The following MPP7 variants were observed in gnomAD, a reference collection of about 807,000 sequenced individuals.
The protein encoded by MPP7 is MAGUK p55 subfamily member 7.
A neutral mutation model predicts 76.5 loss-of-function variants in MPP7; 60 were observed. That is an observed-to-expected ratio of 0.78 (90% CI 0.64 to 0.97). MPP7 has a LOEUF of 0.97. Ranked by LOEUF, MPP7 falls within the 50% of genes least tolerant of loss-of-function variation. MPP7 has a pLI of 0.00. For synonymous variants in MPP7, 237 were observed against 244.5 expected (o/e 0.97, Z 0.29); for missense variants, 641 against 694.0 (o/e 0.92, Z 0.86).
chr10:28,160,113 GAAA>G (rs59503220), intron 3 of MPP7, among the ~76,000 whole-genome samples: 3 of 142,760 alleles, frequency 2.1e-5, no homozygotes, highest in East Asian at 2.0e-4. Context: ...TTGATCATTA[GAAA>G]AAAAAAAAAA....
intron 11 of MPP7, among the ~76,000 whole-genome samples, chr10:28,095,808 A>AT (rs1273920958): frequency 6.6e-6 from 1 of 152,248 alleles, no homozygotes; most frequent in Non-Finnish European, 1.5e-5. Context: ...ACAGTTTTAC[A>AT]TAAAAAATAT....
intron 13 of MPP7, among the ~76,000 whole-genome samples, chr10:28,064,514 A>C (rs1447294576): frequency 6.6e-6 from 1 of 152,222 alleles, no homozygotes; most frequent in African/African-American, 2.4e-5. Context: ...CATTATGTTG[A>C]CTGTGCTGAT....
intron 8 of MPP7, among the ~76,000 whole-genome samples, chr10:28,122,174 TCTC>T (rs1222229381): frequency 6.6e-6 from 1 of 152,196 alleles, no homozygotes; most frequent in South Asian, 2.1e-4. Context: ...TTTTCTATAA[TCTC>T]CTCTTATTTT....
chr10:28,119,550 C>T, intron 11 of MPP7, 101 bp downstream of exon 11: 1 of 828,894 alleles, frequency 1.2e-6, no homozygotes, highest in Non-Finnish European at 2.0e-6. Flanking sequence ...AAAGTTATTG[C>T]TAGGGTAATA....
intron 2 of MPP7, among the ~76,000 whole-genome samples, chr10:28,318,022 G>C (rs1834338027): frequency 6.6e-6 from 1 of 152,150 alleles, no homozygotes; most frequent in Admixed American, 6.5e-5. Flanking sequence ...TGTTGTTCCG[G>C]GTGCCATCGC....
chr10:28,063,758 A>G (rs114911992), intron 13 of MPP7, among the ~76,000 whole-genome samples: 2,125 of 152,210 alleles, frequency 0.014, 55 homozygotes, highest in African/African-American at 0.048. Flanking sequence ...TCCTGACACC[A>G]TCCCCTCCTG....
chr10:28,089,820 C>T lies in MPP7; in HGVS notation c.974G>A (p.Arg325His), dbSNP rs145943944. 6.1e-5 allele frequency: 94 copies of T among 1,552,368 alleles called. No individual in the cohort carries two copies. The highest frequency in any genetic ancestry group is 1.8e-4 in the East Asian group (8 of 44,382). The part of the protein sequence containing the change: ...RKSSGFRKSF[R>H]LSRKDKKTNK... The stretch of plus-strand genomic sequence containing the variant: ...TGTTTTCTTATCTTTTCTACTAAGA[C>T]GAAAACTTTTTCTAAAACCAGCTGC... Residue 325 changes from arginine (R) to histidine (H), a missense_variant, in exon 12 of 17, where the codon CGT becomes CAT. Physicochemically the swap from Arg to His is conservative, Grantham distance 29 (BLOSUM62 0). Coordinates refer to ENST00000683449, the MANE Select transcript of MPP7 (RefSeq NM_001318170.2).
At chr10:28,196,480 G>GAAAAA in intron 3 of MPP7, among the ~76,000 whole-genome samples, 1 of 131,450 alleles carries the variant, frequency 7.6e-6, no homozygotes. Context: ...ACTCCATCTC[G>GAAAAA]AAAAAAAAAA....
chr10:28,317,973 CAG>C (rs1834337781), intron 2 of MPP7, among the ~76,000 whole-genome samples: 2 of 152,150 alleles, frequency 1.3e-5, no homozygotes, highest in Non-Finnish European at 2.9e-5. Flanking sequence ...GCCATGACTG[CAG>C]TACCCTGTGC....
At chr10:28,111,259 A>G (rs1834497664) in intron 11 of MPP7, among the ~76,000 whole-genome samples, 1 of 152,198 alleles carries the variant, frequency 6.6e-6, no homozygotes, top group African/African-American at 2.4e-5. Context: ...GCAAAGCCAA[A>G]GGAAAAAACA....
chr10:28,281,175 G>T (rs1840660996), intron 1 of MPP7, among the ~76,000 whole-genome samples: 1 of 151,912 alleles, frequency 6.6e-6, no homozygotes, highest in Non-Finnish European at 1.5e-5. Flanking sequence ...TGCCTCCCAG[G>T]TTCAAGCAAT....
intron 1 of MPP7, among the ~76,000 whole-genome samples, chr10:28,283,102 GAGTAACTTA>G (rs1564756328): frequency 1.3e-5 from 2 of 151,976 alleles, no homozygotes; most frequent in African/African-American, 4.8e-5. Flanking sequence ...CACGTTGGTG[GAGTAACTTA>G]AGGCACTGGC....
At chr10:28,150,256 C>T (rs1781836) in intron 3 of MPP7, among the ~76,000 whole-genome samples, 197 bp from the exon 4 acceptor site, 69,170 of 152,074 alleles carry the variant, frequency 0.45, 18,294 homozygotes, top group Middle Eastern at 0.66. Flanking sequence ...CCTAATTCAT[C>T]TATTACTATG....
intron 1 of MPP7, among the ~76,000 whole-genome samples, chr10:28,281,228 C>T (rs1212366213): frequency 1.3e-5 from 2 of 151,912 alleles, no homozygotes; most frequent in African/African-American, 2.4e-5. Flanking sequence ...TACCAGCGCA[C>T]GCCACTACAC....
intron 2 of MPP7, among the ~76,000 whole-genome samples, chr10:28,314,437 T>C (rs1841307567): frequency 6.6e-6 from 1 of 152,190 alleles, no homozygotes; most frequent in Admixed American, 6.5e-5. Flanking sequence ...AGTTTCTGAA[T>C]AGGATTAATG....
intron 1 of MPP7, among the ~76,000 whole-genome samples, chr10:28,273,853 G>A (rs899043817): frequency 6.6e-6 from 1 of 152,162 alleles, no homozygotes; most frequent in Admixed American, 6.5e-5. Context: ...CTACAAGGCA[G>A]GCATGGTGGT....
intron 3 of MPP7, among the ~76,000 whole-genome samples, chr10:28,150,613 C>T (rs892567460): frequency 6.6e-6 from 1 of 151,250 alleles, no homozygotes; most frequent in Non-Finnish European, 1.5e-5. Context: ...CTTATTCATT[C>T]TTTTTTTTTG....
rs1315407750 is a variant in MPP7 at position 28,120,664 on chromosome 10, T to C, written c.620A>G (p.Gln207Arg). 3 of 1,612,990 alleles carry C rather than the reference T, an allele frequency of 1.9e-6. No homozygotes were observed. The East Asian group carries it at 6.7e-5, about 36-fold the overall frequency. ...RPEEIIQILA[Q>R]SQGAITFKII... The stretch of plus-strand genomic sequence containing the variant: ...CTTAAATGTAATTGCTCCCTGAGAC[T>C]GAGCCTGGTAACAGATAAAACAAGG... Residue 207 changes from glutamine to arginine, a missense_variant, in exon 9 of 17, where the codon CAG becomes CGG. Transcript: ENST00000683449.
chr10:28,061,546 A>C (rs1469638478), intron 13 of MPP7, among the ~76,000 whole-genome samples: 2 of 152,120 alleles, frequency 1.3e-5, no homozygotes, highest in Non-Finnish European at 2.9e-5. Flanking sequence ...AACTCCAGGG[A>C]CCTATGAGAA....
Sources: gnomAD v4.1 joint callset for allele counts (sites outside exome capture counted in the v4.1 genomes callset) on GRCh38, gnomAD v4.1.1 for gene constraint, MANE v1.5 for transcripts, NCBI Gene and HGNC (gene_info 2026-07-23, HGNC 2026-07-21) for gene names.